COL5A1: variants seen among roughly 807,000 people sequenced by gnomAD.
COL5A1 encodes collagen alpha-1(V) chain.
COL5A1 carries 16 observed loss-of-function variants against 263.7 expected under a neutral mutation model. The observed-to-expected ratio is 0.06, with a 90% confidence interval of 0.04 to 0.09. The LOEUF is 0.09. COL5A1 is among the 10% of genes least tolerant of loss of function. The probability of loss-of-function intolerance (pLI) is 1.00; values close to 1 mark genes in which losing one functional copy is unlikely to be tolerated. For synonymous variants in COL5A1, 1,012 were observed against 1,004.5 expected (o/e 1.01, Z -0.14); for missense variants, 2,036 against 2,540.5 (o/e 0.80, Z 4.27).
Position 134,835,074 on chromosome 9 carries a change from A to G in COL5A1, c.5240A>G (p.Tyr1747Cys), listed in dbSNP as rs1839801201. Residue 1747 changes from tyrosine to cysteine, a missense_variant, in exon 65 of 66, where the codon TAC (tyrosine) becomes TGC (cysteine). By Grantham distance (194) the Tyr-to-Cys change is radical. This residue lies in a region of COL5A1 where 358 missense variants were observed against 384.6 expected (regional missense o/e 0.93). Transcript: ENST00000371817. Reference protein sequence around the residue: ...SAHQNVTYHCYQSVAWQDAAT... With the variant: ...SAHQNVTYHCCQSVAWQDAAT... ...CACCAGAACGTCACCTACCACTGCT[A>G]CCAGTCAGTGGCCTGGCAGGACGCA... The G allele has an allele frequency of 1.2e-6, 2 of 1,613,522 alleles. No individual in the cohort carries two copies. Among genetic ancestry groups the G allele is most frequent in the East Asian group, 4.5e-5 (2 of 44,880 alleles).
At chr9:134,776,749 G>T (rs1837067978) in intron 27 of COL5A1, among the ~76,000 whole-genome samples, 1 of 152,164 alleles carries the variant, frequency 6.6e-6, no homozygotes, top group Admixed American at 6.5e-5. Flanking sequence ...CCCTAAAATG[G>T]GTGGCTTGTA....
chr9:134,826,161 G>C (rs556772925), intron 63 of COL5A1, among the ~76,000 whole-genome samples: 45 of 152,366 alleles, frequency 3.0e-4, no homozygotes, highest in African/African-American at 1.1e-3. Flanking sequence ...CCGTCCCAGG[G>C]CTGGGACTTC....
chr9:134,675,493 G>T (rs963504029), intron 1 of COL5A1, among the ~76,000 whole-genome samples: 1 of 152,146 alleles, frequency 6.6e-6, no homozygotes, highest in Non-Finnish European at 1.5e-5. Flanking sequence ...TATTTCTGTT[G>T]TACACATCTT....
At chr9:134,759,298 A>ATG (rs1564437348) in intron 18 of COL5A1, among the ~76,000 whole-genome samples, 8 of 123,190 alleles carry the variant, frequency 6.5e-5, no homozygotes, top group African/African-American at 3.1e-4. Context: ...ACGCATACAC[A>ATG]CCCACACACC....
intron 1 of COL5A1, among the ~76,000 whole-genome samples, chr9:134,669,352 C>A: frequency 7.3e-6 from 1 of 137,502 alleles, no homozygotes; most frequent in African/African-American, 2.7e-5. Context: ...CTTTCCATCC[C>A]TTCTTCCATC....
chr9:134,667,512 C>T (rs1832396143), intron 1 of COL5A1, among the ~76,000 whole-genome samples: 1 of 152,242 alleles, frequency 6.6e-6, no homozygotes, highest in African/African-American at 2.4e-5. Context: ...ACCCCACACC[C>T]TGGTGCTCAC....
chr9:134,792,106 CG>C (rs1229331435), intron 32 of COL5A1, among the ~76,000 whole-genome samples: 1 of 151,622 alleles, frequency 6.6e-6, no homozygotes, highest in Non-Finnish European at 1.5e-5. Flanking sequence ...GGTGAGGAGC[CG>C]GGGGCCGGCA....
chr9:134,675,934 A>G (rs1832674197), intron 1 of COL5A1, among the ~76,000 whole-genome samples: 1 of 152,198 alleles, frequency 6.6e-6, no homozygotes, highest in African/African-American at 2.4e-5. Context: ...TCAGGTGGCC[A>G]CAAAGCCCAC....
chr9:134,643,481 A>G (rs73664240), intron 1 of COL5A1, among the ~76,000 whole-genome samples: 1,836 of 152,278 alleles, frequency 0.012, 37 homozygotes, highest in African/African-American at 0.041. Flanking sequence ...CTTGTCAATT[A>G]AAACACTCTT....
At chr9:134,837,828 T>G (rs956862538) in intron 65 of COL5A1, among the ~76,000 whole-genome samples, 1 of 152,172 alleles carries the variant, frequency 6.6e-6, no homozygotes, top group African/African-American at 2.4e-5. Flanking sequence ...TGTTCCCTTC[T>G]TTCTACATAC....
Position 134,789,110 on chromosome 9 carries a change from A to AT in COL5A1, c.2647-43dup. ...CCAGGCGGCCCATGCAGCATGACTCATTCCTGGCCCAGCTCTGATGCCTCC... is the reference window on the plus strand; with the variant it reads ...CCAGGCGGCCCATGCAGCATGACTCATTTCCTGGCCCAGCTCTGATGCCTCC... On this transcript the variant is annotated intron_variant, in intron 31 of 65. Coordinates refer to ENST00000371817, the MANE Select transcript of COL5A1 (RefSeq NM_000093.5). This position sits in a 1 kb window ranked among gnomAD's most constrained non-coding sequence, Gnocchi z 4.8. The AT allele has an allele frequency of 6.3e-7, 1 of 1,587,034 alleles. No individual in the cohort carries two copies.
rs372628178 is a variant in COL5A1 at position 134,821,440 on chromosome 9, G to A, written c.4555-657G>A. Among the ~76,000 whole-genome samples, 29 of 152,164 alleles carry A rather than the reference G, an allele frequency of 1.9e-4. No homozygotes were observed. In the East Asian group the frequency reaches 4.1e-3, roughly 21 times the overall value. On this transcript the variant is annotated intron_variant, in intron 58 of 65. Transcript: ENST00000371817. This position sits in a 1 kb window ranked among gnomAD's most constrained non-coding sequence, Gnocchi z 4.2. Reference sequence around the variant, plus strand: ...CGGCCATCAGCCCTCCGCTACCCTCGCCCCCAGCTTCTGCCCGGAGAGAGC... The same window carrying A: ...CGGCCATCAGCCCTCCGCTACCCTCACCCCCAGCTTCTGCCCGGAGAGAGC...
intron 62 of COL5A1, among the ~76,000 whole-genome samples, chr9:134,825,275 C>G (rs1839218234): frequency 6.6e-6 from 1 of 152,228 alleles, no homozygotes; most frequent in Non-Finnish European, 1.5e-5. Context: ...AGACGCTGTG[C>G]TTGGGCAAAC....
At chr9:134,806,485 C>T (rs1838301283) in intron 42 of COL5A1, among the ~76,000 whole-genome samples, 189 bp downstream of exon 42, 1 of 151,966 alleles carries the variant, frequency 6.6e-6, no homozygotes, top group East Asian at 1.9e-4. Context: ...CTGAGGAGCA[C>T]AGGAGGAGTC....
At chr9:134,728,337 G>A (rs1834733860) in intron 5 of COL5A1, among the ~76,000 whole-genome samples, 1 of 152,252 alleles carries the variant, frequency 6.6e-6, no homozygotes. Context: ...TGGAGACATG[G>A]TGACGGCTGC....
At chr9:134,756,945 C>T in intron 17 of COL5A1, 127 bp downstream of exon 17, 1 of 915,220 alleles carries the variant, frequency 1.1e-6, no homozygotes, top group East Asian at 2.5e-5. Flanking sequence ...CCGTCACTGG[C>T]ATTTGACGTG....
rs909083597 is a variant in COL5A1, at chr9:134,794,112, G to A, written c.2701-970G>A. Among the ~76,000 whole-genome samples, 7 of 152,290 alleles carry A rather than the reference G, an allele frequency of 4.6e-5. No homozygotes were observed. Among genetic ancestry groups the A allele is most frequent in the Admixed American group, 4.6e-4 (7 of 15,296 alleles). The stretch of plus-strand genomic sequence containing the variant: ...GGAGGCTGAGGCGGGTGAATCACGA[G>A]GTCAAGAGATCGAGACCATCCTTGC... On this transcript the variant is annotated intron_variant, in intron 32 of 65. Transcript: ENST00000371817. This position sits in a 1 kb window ranked among gnomAD's most constrained non-coding sequence, Gnocchi z 4.3.
intron 1 of COL5A1, among the ~76,000 whole-genome samples, chr9:134,658,483 C>G (rs987369435): frequency 5.3e-5 from 8 of 152,202 alleles, no homozygotes; most frequent in Non-Finnish European, 7.4e-5. Flanking sequence ...CCCTGCTGGG[C>G]CTGTCCTTGC....
intron 25 of COL5A1, 118 bp from the exon 26 acceptor site, chr9:134,772,672 T>C: frequency 8.8e-7 from 1 of 1,141,148 alleles, no homozygotes; most frequent in Non-Finnish European, 1.3e-6. Flanking sequence ...GCTCTCAGTT[T>C]TCCTGGGGAG....
Sources: gnomAD v4.1 joint callset for allele counts (sites outside exome capture counted in the v4.1 genomes callset) on GRCh38, gnomAD v4.1.1 for gene constraint, gnomAD v4.1.1 regional missense constraint, Gnocchi (gnomAD v3.1) non-coding constraint, MANE v1.5 for transcripts, NCBI Gene and HGNC (gene_info 2026-07-23, HGNC 2026-07-21) for gene names.